The following PEBP4 variants were observed in gnomAD, a reference collection of about 807,000 sequenced individuals.
The protein encoded by PEBP4 is phosphatidylethanolamine-binding protein 4.
A neutral mutation model predicts 23.9 loss-of-function variants in PEBP4; 22 were observed. The ratio of observed to expected loss-of-function variants is 0.92; its 90% CI spans 0.66 to 1.31. The LOEUF (loss-of-function observed/expected upper bound fraction) is 1.31, where lower values mean the gene tolerates loss of function less well. Among genes scored for constraint, PEBP4 ranks in the 40% most tolerant of loss-of-function variants. PEBP4 has a pLI of 0.00. For synonymous variants in PEBP4, 112 were observed against 99.3 expected, an observed-to-expected ratio of 1.13 and a Z score of -0.76; for missense variants, 324 against 281.7, an observed-to-expected ratio of 1.15 and a Z score of -1.07.
intron 3 of PEBP4, among the ~76,000 whole-genome samples, chr8:22,871,464 T>C (rs944086865): frequency 2.0e-5 from 3 of 152,148 alleles, no homozygotes; most frequent in African/African-American, 7.2e-5. Context: ...ACATTCTTTT[T>C]TTTTCATTTT....
chr8:22,745,194 G>A (rs760745081), intron 4 of PEBP4, among the ~76,000 whole-genome samples: 3 of 152,166 alleles, frequency 2.0e-5, no homozygotes, highest in East Asian at 1.9e-4. Context: ...GGTTATGCCC[G>A]GGCCTGGGGG....
intron 3 of PEBP4, among the ~76,000 whole-genome samples, chr8:22,834,154 T>A (rs1807150588): frequency 1.3e-5 from 2 of 152,234 alleles, no homozygotes; most frequent in Non-Finnish European, 2.9e-5. Context: ...CGCCCTGCGC[T>A]CCCACTATTC....
chr8:22,721,035 T>A (rs1038922439), intron 6 of PEBP4, among the ~76,000 whole-genome samples: 1 of 150,856 alleles, frequency 6.6e-6, no homozygotes, highest in African/African-American at 2.4e-5. Context: ...CACGGCAGGG[T>A]TTCATCAGCT....
chr8:22,901,905 T>C (rs1808719450), intron 3 of PEBP4, among the ~76,000 whole-genome samples: 1 of 152,176 alleles, frequency 6.6e-6, no homozygotes, highest in Non-Finnish European at 1.5e-5. Context: ...TTACAAATGA[T>C]TCAAATAAGA....
chr8:22,803,300 T>C (rs1036950650), intron 4 of PEBP4, among the ~76,000 whole-genome samples: 1 of 152,136 alleles, frequency 6.6e-6, no homozygotes, highest in Admixed American at 6.6e-5. Flanking sequence ...CACGTTCGTA[T>C]CCCACAGCCA....
chr8:22,762,425 T>C (rs1277539297), intron 4 of PEBP4, among the ~76,000 whole-genome samples: 1 of 152,246 alleles, frequency 6.6e-6, no homozygotes, highest in Non-Finnish European at 1.5e-5. Context: ...TCCACAGATG[T>C]AGCCAGAATT....
intron 3 of PEBP4, among the ~76,000 whole-genome samples, chr8:22,893,686 G>T (rs967417791): frequency 6.6e-6 from 1 of 151,904 alleles, no homozygotes; most frequent in Non-Finnish European, 1.5e-5. Flanking sequence ...TTAACAGAAG[G>T]TTAACTATAC....
intron 1 of PEBP4, among the ~76,000 whole-genome samples, chr8:22,940,769 G>A (rs1469316135): frequency 2.6e-5 from 4 of 152,158 alleles, no homozygotes; most frequent in Admixed American, 6.5e-5. Flanking sequence ...GATTATAGGC[G>A]TGAGCCACCA....
In PEBP4 at chr8:22,810,877, T is replaced by TGAGAGAGAGA. The variant is rs33995327; in HGVS notation, c.357+6750_357+6759dup. ...GGTGGAGCACAGAATCTCAGAGTGC[T>TGAGAGAGAGA]GAGAGAGAGAGAGAGAGAGAGAGAG... On this transcript the variant is annotated intron_variant, in intron 4 of 6. Transcript: ENST00000256404. Among the ~76,000 whole-genome samples the TGAGAGAGAGA allele has an allele frequency of 1.9e-3, 261 of 137,228 alleles. 1 individual carries two copies. Among genetic ancestry groups the TGAGAGAGAGA allele is most frequent in the African/African-American group, 3.9e-3 (141 of 35,708 alleles). 90.0% of individuals were successfully genotyped at this position (137,228 alleles called of 152,430 possible).
chr8:22,886,339 T>C (rs1307811350), intron 3 of PEBP4: 1 of 152,216 alleles, frequency 6.6e-6, no homozygotes, highest in Admixed American at 6.5e-5. Context: ...TCACAGCCAT[T>C]GAATCTGACC....
rs927547312 is a variant in PEBP4 at position 22,919,748 on chromosome 8, C to T, written c.258+436G>A. Among the ~76,000 whole-genome samples the T allele has an allele frequency of 7.2e-5, 11 of 152,292 alleles. No homozygotes were observed. In the East Asian group the frequency reaches 1.9e-3, roughly 27 times the overall value. On this transcript the variant is annotated intron_variant, in intron 3 of 6. Transcript: ENST00000256404. ...TTGGGAAGCTCTGTCTTGGTAAATACCAGCTTCTCTCCAGCCCAGAAGCCA... is the reference window on the plus strand; with the variant it reads ...TTGGGAAGCTCTGTCTTGGTAAATATCAGCTTCTCTCCAGCCCAGAAGCCA...
chr8:22,870,568 T>G (rs1807987621), intron 3 of PEBP4, among the ~76,000 whole-genome samples: 1 of 152,172 alleles, frequency 6.6e-6, no homozygotes, highest in South Asian at 2.1e-4. Context: ...GAGCGTAACC[T>G]AATGTAAAGT....
intron 4 of PEBP4, among the ~76,000 whole-genome samples, chr8:22,728,559 T>TCTTCCTTTCTTCCTTCCTTCCTTC (rs1804667597): frequency 1.0e-5 from 1 of 96,364 alleles, no homozygotes; most frequent in African/African-American, 4.6e-5. Flanking sequence ...TTTCTTTCTT[T>TCTTCCTTTCTTCCTTCCTTCCTTC]CTTCCTTCCT....
At chr8:22,842,126 T>G (rs1807341209) in intron 3 of PEBP4, among the ~76,000 whole-genome samples, 1 of 152,208 alleles carries the variant, frequency 6.6e-6, no homozygotes, top group Non-Finnish European at 1.5e-5. Context: ...AGGAAGCAGT[T>G]AGTACAGATA....
At chr8:22,850,114 G>GAA (rs113295175) in intron 3 of PEBP4, among the ~76,000 whole-genome samples, 1 of 137,988 alleles carries the variant, frequency 7.2e-6, no homozygotes, top group Non-Finnish European at 1.6e-5. Context: ...TACTCTTTAA[G>GAA]AAAAAAAAAA....
intron 4 of PEBP4, among the ~76,000 whole-genome samples, chr8:22,754,465 G>T (rs1805333896): frequency 1.3e-5 from 2 of 152,182 alleles, no homozygotes; most frequent in Non-Finnish European, 2.9e-5. Context: ...TGCTAGGAAA[G>T]CTTATCCCAA....
chr8:22,781,839 C>T (rs1173909553), intron 4 of PEBP4, among the ~76,000 whole-genome samples: 1 of 152,218 alleles, frequency 6.6e-6, no homozygotes, highest in Non-Finnish European at 1.5e-5. Context: ...CCCTTCCTCC[C>T]TGGGGAAGAG....
chr8:22,772,069 C>T (rs1435477529), intron 4 of PEBP4, among the ~76,000 whole-genome samples: 2 of 152,226 alleles, frequency 1.3e-5, no homozygotes, highest in Non-Finnish European at 2.9e-5. Flanking sequence ...CAAGAACCCT[C>T]ACAGGCTAAG....
chr8:22,909,081 C>T (rs920889928), intron 3 of PEBP4, among the ~76,000 whole-genome samples: 2 of 152,198 alleles, frequency 1.3e-5, no homozygotes, highest in Non-Finnish European at 2.9e-5. Context: ...GTGACCTGCC[C>T]TCTGCAATGC....
Sources: allele counts gnomAD v4.1 joint callset (sites outside exome capture counted in the v4.1 genomes callset), GRCh38; gene constraint gnomAD v4.1.1; transcripts MANE v1.5; gene names NCBI Gene and HGNC (gene_info 2026-07-23, HGNC 2026-07-21).